The following RPS6KC1 variants were observed in gnomAD, a reference collection of about 807,000 sequenced individuals.
The protein encoded by RPS6KC1 is inactive ribosomal protein S6 kinase delta-1.
A neutral mutation model predicts 103.8 loss-of-function variants in RPS6KC1; 54 were observed. The ratio of observed to expected loss-of-function variants is 0.52; its 90% CI spans 0.42 to 0.65. The LOEUF is 0.65. RPS6KC1 is among the 30% of genes least tolerant of loss of function. The probability of loss-of-function intolerance (pLI) is 0.00; values close to 1 mark genes in which losing one functional copy is unlikely to be tolerated. For missense variants in RPS6KC1, 1,151 were observed against 1,253.8 expected (o/e 0.92, Z 1.24); for synonymous variants, 439 against 438.7 (o/e 1.00, Z -0.01).
chr1:213,475,132 T>G, the RPS6KC1 span, among the ~76,000 whole-genome samples: 1 of 152,230 alleles, frequency 6.6e-6, no homozygotes, highest in African/African-American at 2.4e-5. Flanking sequence ...GGACATGTAC[T>G]TTGGGGAAGC....
At chr1:213,523,917 G>A in the RPS6KC1 span, among the ~76,000 whole-genome samples, 1 of 152,092 alleles carries the variant, frequency 6.6e-6, no homozygotes, top group African/African-American at 2.4e-5. Flanking sequence ...AAGACTGAGC[G>A]AGGCAGACAC....
intron 6 of RPS6KC1, among the ~76,000 whole-genome samples, chr1:213,138,613 G>A (rs977742700): frequency 6.6e-6 from 1 of 152,088 alleles, no homozygotes; most frequent in Non-Finnish European, 1.5e-5. Flanking sequence ...GCAGTGTTTG[G>A]TTTTCTGCTC....
rs143402035 is a variant in RPS6KC1, at chr1:213,274,553, C to G, written c.*1919C>G. 316 of 152,252 alleles carry G rather than the reference C, an allele frequency of 2.1e-3. 1 individual carries two copies. The highest frequency in any genetic ancestry group is 7.0e-3 in the African/African-American group (290 of 41,538). 9.4% of individuals were successfully genotyped at this position (152,252 alleles called of 1,614,324 possible). ...GAGCTTGTGCCTAATGTAAATACAT[C>G]ATTCATAATTAGAATGGACATTAAT... On this transcript the variant is annotated 3_prime_UTR_variant, in exon 15 of 15. Coordinates refer to ENST00000366960, the MANE Select transcript of RPS6KC1 (RefSeq NM_012424.6).
the RPS6KC1 span, among the ~76,000 whole-genome samples, chr1:213,828,513 CG>C: frequency 2.2e-4 from 34 of 152,054 alleles, no homozygotes; most frequent in African/African-American, 8.2e-4. Context: ...AATCAGAAAC[CG>C]GATTGAACTT....
the RPS6KC1 span, among the ~76,000 whole-genome samples, chr1:213,624,526 G>A: frequency 6.6e-6 from 1 of 152,228 alleles, no homozygotes; most frequent in Non-Finnish European, 1.5e-5. Context: ...TGCAAAAGCA[G>A]TCATGGAGAG....
the RPS6KC1 span, among the ~76,000 whole-genome samples, chr1:213,470,703 T>G: frequency 6.6e-6 from 1 of 151,614 alleles, no homozygotes; most frequent in South Asian, 2.1e-4. Flanking sequence ...TGCTGCATGC[T>G]TTGACCTCCT....
the RPS6KC1 span, among the ~76,000 whole-genome samples, chr1:213,661,119 C>T: frequency 1.3e-5 from 2 of 152,018 alleles, no homozygotes; most frequent in African/African-American, 4.8e-5. Context: ...GCCTTCAGAC[C>T]CCAGAGCTTA....
chr1:213,544,781 T>G, the RPS6KC1 span, among the ~76,000 whole-genome samples: 1 of 152,200 alleles, frequency 6.6e-6, no homozygotes, highest in Non-Finnish European at 1.5e-5. Context: ...CTATTCACCT[T>G]AGAGGGTCTT....
the RPS6KC1 span, among the ~76,000 whole-genome samples, chr1:213,473,704 G>C: frequency 3.3e-5 from 5 of 152,240 alleles, no homozygotes; most frequent in Non-Finnish European, 1.5e-5. Context: ...ATTTGCGGAA[G>C]TCCACGTTAG....
chr1:213,410,276 G>A, the RPS6KC1 span, among the ~76,000 whole-genome samples: 1 of 152,150 alleles, frequency 6.6e-6, no homozygotes, highest in African/African-American at 2.4e-5. Flanking sequence ...TGTGGCCCCT[G>A]AGGAAATGAG....
chr1:213,397,138 T>C, the RPS6KC1 span, among the ~76,000 whole-genome samples: 1 of 152,210 alleles, frequency 6.6e-6, no homozygotes. Context: ...AGAATTCTTA[T>C]GGTACAGCAG....
chr1:213,204,342 C>A (rs1025072471), intron 8 of RPS6KC1, among the ~76,000 whole-genome samples: 1 of 152,136 alleles, frequency 6.6e-6, no homozygotes, highest in Non-Finnish European at 1.5e-5. Flanking sequence ...TTTCTTTTAT[C>A]TTTTTATGAT....
chr1:213,815,424 A>T, the RPS6KC1 span, among the ~76,000 whole-genome samples: 2 of 152,244 alleles, frequency 1.3e-5, no homozygotes, highest in Admixed American at 6.5e-5. Flanking sequence ...TATGCACCCC[A>T]AGTTGTAAAA....
At chr1:213,491,544 C>CCAAACAAACAAA in the RPS6KC1 span, among the ~76,000 whole-genome samples, 211 of 151,852 alleles carry the variant, frequency 1.4e-3, no homozygotes, top group African/African-American at 5.1e-3. Context: ...CAAGACTGTG[C>CCAAACAAACAAA]CAAACAAACA....
the RPS6KC1 span, among the ~76,000 whole-genome samples, chr1:213,363,609 G>GCTTGCTTGCTTGCTTGCTTA: frequency 2.8e-5 from 2 of 71,744 alleles, 1 homozygote; most frequent in Non-Finnish European, 5.6e-5. Context: ...TCGCTCGCTT[G>GCTTGCTTGCTTGCTTGCTTA]CTTGCTTGCT....
chr1:213,686,163 G>A, the RPS6KC1 span, among the ~76,000 whole-genome samples: 2 of 152,190 alleles, frequency 1.3e-5, no homozygotes, highest in East Asian at 3.8e-4. Flanking sequence ...AGTACAAACA[G>A]AGAAATAAGA....
At chr1:213,828,396 TA>T in the RPS6KC1 span, among the ~76,000 whole-genome samples, 1 of 152,222 alleles carries the variant, frequency 6.6e-6, no homozygotes, top group African/African-American at 2.4e-5. Context: ...CAAGTTTTTT[TA>T]AATCTCTGGA....
At chr1:213,369,929 C>G in the RPS6KC1 span, among the ~76,000 whole-genome samples, 3 of 151,446 alleles carry the variant, frequency 2.0e-5, no homozygotes, top group Non-Finnish European at 2.9e-5. Context: ...GTGGTCCAGC[C>G]TGCAATTTTC....
At chr1:213,261,775 G>C in intron 13 of RPS6KC1, 135 bp downstream of exon 13, 1 of 690,736 alleles carries the variant, frequency 1.4e-6, no homozygotes, top group Non-Finnish European at 2.4e-6. Flanking sequence ...AGCAAGTAGA[G>C]AAATGCAAGT....
Sources: allele counts gnomAD v4.1 joint callset (sites outside exome capture counted in the v4.1 genomes callset), GRCh38; gene constraint gnomAD v4.1.1; transcripts MANE v1.5; gene names NCBI Gene and HGNC (gene_info 2026-07-23, HGNC 2026-07-21).